Variants in BLTP1 observed in about 807,000 individuals in gnomAD.
BLTP1 encodes the protein bridge-like lipid transfer protein family member 1.
chr4:122,219,277 A>G, the BLTP1 span: 2 of 1,567,920 alleles, frequency 1.3e-6, no homozygotes, highest in East Asian at 2.2e-5. Flanking sequence ...ATTTAGGCTC[A>G]TAGGTGAAAA....
At chr4:122,198,880 G>T in the BLTP1 span, among the ~76,000 whole-genome samples, 1 of 152,244 alleles carries the variant, frequency 6.6e-6, no homozygotes, top group African/African-American at 2.4e-5. Context: ...CATAGGAAGA[G>T]ATTTCTTTAA....
the BLTP1 span, among the ~76,000 whole-genome samples, chr4:122,236,028 T>A: frequency 6.6e-6 from 1 of 152,214 alleles, no homozygotes; most frequent in Admixed American, 6.5e-5. Flanking sequence ...AGATGTTAAT[T>A]GTAGAAAAGT....
the BLTP1 span, chr4:122,308,265 A>G: frequency 8.0e-7 from 1 of 1,242,976 alleles, no homozygotes; most frequent in Non-Finnish European, 1.1e-6. Context: ...GTAACAGTTT[A>G]TAACTGTTTA....
the BLTP1 span, among the ~76,000 whole-genome samples, chr4:122,320,383 T>C: frequency 6.6e-6 from 1 of 152,084 alleles, no homozygotes; most frequent in East Asian, 1.9e-4. Flanking sequence ...ACTCCTGGCC[T>C]CAGGCAATCC....
At chr4:122,187,406 T>C in the BLTP1 span, 1 of 1,609,742 alleles carries the variant, frequency 6.2e-7, no homozygotes, top group South Asian at 1.1e-5. Context: ...TTCTTATTCA[T>C]GTCAGTTTTA....
At chr4:122,252,856 G>A in the BLTP1 span, among the ~76,000 whole-genome samples, 1 of 152,202 alleles carries the variant, frequency 6.6e-6, no homozygotes, top group African/African-American at 2.4e-5. Context: ...GAGACCCAGT[G>A]CTATGCTGGC....
chr4:122,258,222 T>C, the BLTP1 span, among the ~76,000 whole-genome samples: 2 of 152,186 alleles, frequency 1.3e-5, no homozygotes, highest in Non-Finnish European at 2.9e-5. Flanking sequence ...TTGAAAAAAA[T>C]ATTGAAAGAG....
the BLTP1 span, chr4:122,170,563 G>A: frequency 7.0e-7 from 1 of 1,426,114 alleles, no homozygotes; most frequent in South Asian, 1.6e-5. Context: ...AATGATTTCT[G>A]TTGCAATTTT....
the BLTP1 span, chr4:122,197,087 A>G: frequency 4.5e-6 from 3 of 664,216 alleles, no homozygotes; most frequent in Non-Finnish European, 7.1e-6. Flanking sequence ...AGGAACTTGT[A>G]ATACTTACTT....
At chr4:122,316,270 TTTAAC>T in the BLTP1 span, 1 of 365,710 alleles carries the variant, frequency 2.7e-6, no homozygotes, top group Non-Finnish European at 5.6e-6. Context: ...TTCAATATCT[TTTAAC>T]TATTATACCA....
chr4:122,239,761 G>A, the BLTP1 span: 3 of 1,614,140 alleles, frequency 1.9e-6, no homozygotes, highest in South Asian at 2.2e-5. Flanking sequence ...AAGCAGAGGA[G>A]AAGTTTTGGT....
At chr4:122,267,057 T>A in the BLTP1 span, 862 of 352,580 alleles carry the variant, frequency 2.4e-3, 24 homozygotes, top group African/African-American at 0.029. Flanking sequence ...AGTAATTTTT[T>A]TTTTTTTTTT....
At chr4:122,308,293 T>C in the BLTP1 span, 3 of 963,460 alleles carry the variant, frequency 3.1e-6, no homozygotes, top group Non-Finnish European at 4.6e-6. Context: ...GCAAGTAAGA[T>C]TGAATTCCTT....
At chr4:122,189,903 C>G in the BLTP1 span, 6 of 1,431,346 alleles carry the variant, frequency 4.2e-6, no homozygotes. Context: ...GTTTTTTTTT[C>G]CTTTTCTTTT....
At chr4:122,295,586 CATTTT>C in the BLTP1 span, among the ~76,000 whole-genome samples, 1 of 152,134 alleles carries the variant, frequency 6.6e-6, no homozygotes, top group African/African-American at 2.4e-5. Context: ...CTCCCTAACT[CATTTT>C]ATAAGGCCAC....
chr4:122,281,644 A>G, the BLTP1 span: 8 of 1,613,400 alleles, frequency 5.0e-6, no homozygotes, highest in East Asian at 1.8e-4. Flanking sequence ...AGCTACCAGA[A>G]GGCTTAGAAA....
At chr4:122,168,435 C>T in the BLTP1 span, among the ~76,000 whole-genome samples, 1 of 152,220 alleles carries the variant, frequency 6.6e-6, no homozygotes, top group African/African-American at 2.4e-5. Context: ...TAGTGATGTG[C>T]TGGCTAGCAA....
At chr4:122,253,649 A>T in the BLTP1 span, among the ~76,000 whole-genome samples, 6,041 of 152,228 alleles carry the variant, frequency 0.04, 162 homozygotes, top group East Asian at 0.14. Context: ...TGCCTACAAG[A>T]TCTAGAAAAT....
At chr4:122,188,035 T>C in the BLTP1 span, 2 of 1,585,244 alleles carry the variant, frequency 1.3e-6, no homozygotes. Flanking sequence ...AGCTTGAAAA[T>C]GTTCGAGTCA....
Sources: allele counts gnomAD v4.1 joint callset (sites outside exome capture counted in the v4.1 genomes callset), GRCh38; gene constraint gnomAD v4.1.1; transcripts MANE v1.5; gene names NCBI Gene and HGNC (gene_info 2026-07-23, HGNC 2026-07-21).